Variants in MAP3K3 observed in about 807,000 individuals in gnomAD.
The protein encoded by MAP3K3 is mitogen-activated protein kinase kinase kinase 3.
Under a neutral mutation model 80.9 loss-of-function variants are expected in MAP3K3, and 12 were observed. That is an observed-to-expected ratio of 0.15 (90% CI 0.10 to 0.24). MAP3K3 has a LOEUF of 0.24. Among genes scored for constraint, MAP3K3 ranks in the 10% least tolerant of loss-of-function variants. The probability of loss-of-function intolerance (pLI) is 1.00; values close to 1 mark genes in which losing one functional copy is unlikely to be tolerated. For synonymous variants in MAP3K3, 272 were observed against 307.1 expected (o/e 0.89, Z 1.19); for missense variants, 596 against 834.7 (o/e 0.71, Z 3.52).
intron 11 of MAP3K3, 69 bp from the exon 12 acceptor site, chr17:63,690,195 C>G: frequency 2.6e-6 from 4 of 1,531,736 alleles, no homozygotes; most frequent in Non-Finnish European, 3.5e-6. Context: ...AGACCCTGTT[C>G]CTGGAGAATG....
chr17:63,649,708 A>G (rs1232873051), intron 3 of MAP3K3, among the ~76,000 whole-genome samples: 1 of 152,234 alleles, frequency 6.6e-6, no homozygotes, highest in Non-Finnish European at 1.5e-5. Flanking sequence ...GTACCTGTTC[A>G]GGAACCAATT....
rs1403226699 is a variant in MAP3K3, at chr17:63,691,891, C to T, written c.1474+29C>T. Reference sequence around the variant, plus strand: ...AGCAGGGCCAGGATACATGGAGTCCCCAGGACCTGGGTTCAAGTCTACCAT... The same window carrying T: ...AGCAGGGCCAGGATACATGGAGTCCTCAGGACCTGGGTTCAAGTCTACCAT... On this transcript the variant is annotated intron_variant, in intron 14 of 15. Coordinates refer to ENST00000361733, the MANE Select transcript of MAP3K3 (RefSeq NM_002401.5). The surrounding 1 kb of genome is among the most constrained non-coding windows in gnomAD (Gnocchi z 4.8). 6.2e-7 allele frequency: 1 copy of T among 1,606,666 alleles called. No homozygotes were observed. The highest frequency in any genetic ancestry group is 2.2e-5 in the East Asian group (1 of 44,698).
intron 3 of MAP3K3, among the ~76,000 whole-genome samples, chr17:63,651,899 A>G (rs1055920697): frequency 6.6e-6 from 1 of 152,198 alleles, no homozygotes; most frequent in Admixed American, 6.5e-5. Context: ...TTCTTATGGC[A>G]TCTCAAAGAT....
intron 6 of MAP3K3, among the ~76,000 whole-genome samples, chr17:63,675,966 G>C (rs2035212073): frequency 6.6e-6 from 1 of 152,192 alleles, no homozygotes; most frequent in African/African-American, 2.4e-5. Context: ...GCTCTCAACT[G>C]TTGTGTATCT....
chr17:63,693,303 T>C lies in MAP3K3; in HGVS notation c.1653-246T>C, dbSNP rs767105021. On this transcript the variant is annotated intron_variant, in intron 15 of 15. Coordinates refer to ENST00000361733, the MANE Select transcript of MAP3K3 (RefSeq NM_002401.5). The surrounding 1 kb of genome is among the most constrained non-coding windows in gnomAD (Gnocchi z 4.2). Reference sequence around the variant, plus strand: ...CAGCTATGGGTAGCTAATACAGTTATTGTAGAGTTCTTTCTGTCAAGTCTA... The same window carrying C: ...CAGCTATGGGTAGCTAATACAGTTACTGTAGAGTTCTTTCTGTCAAGTCTA... Among the ~76,000 whole-genome samples, 3 of 152,208 alleles carry C rather than the reference T, an allele frequency of 2.0e-5. No individual in the cohort carries two copies. Among genetic ancestry groups the C allele is most frequent in the Non-Finnish European group, 4.4e-5 (3 of 68,030 alleles).
At chr17:63,663,681 G>C (rs1201751822) in intron 5 of MAP3K3, among the ~76,000 whole-genome samples, 1 of 152,018 alleles carries the variant, frequency 6.6e-6, no homozygotes, top group Admixed American at 6.6e-5. Flanking sequence ...GAAATAATTT[G>C]TATAACAAGT....
At chr17:63,678,252 G>GA (rs773427937) in intron 6 of MAP3K3, among the ~76,000 whole-genome samples, 3 of 151,078 alleles carry the variant, frequency 2.0e-5, no homozygotes, top group South Asian at 2.1e-4. Flanking sequence ...ATTTTTTTAA[G>GA]AAAAAAAAAT....
At position 63,681,788 on chromosome 17, in the gene MAP3K3, C is replaced by T; in HGVS notation, c.525C>T (p.Ser175=). 1.3e-6 allele frequency: 2 copies of T among 1,527,440 alleles called. No individual in the cohort carries two copies. The highest frequency in any genetic ancestry group is 1.8e-6 in the Non-Finnish European group (2 of 1,132,318). The allele number at this position is 1,527,440 out of a possible 1,614,324, so 94.6% of individuals were successfully genotyped here. ...LSVSSQNPGR[S]SPPPGYVPER... ...TAGGCTCCCAGAACCCTGGCCGAAG[C>T]TCACCTCCCCCTGGCTATGTTCCTG... The change falls in exon 7 of 16, where the codon AGC becomes AGT. Residue 175 remains serine, a synonymous_variant. Coordinates refer to ENST00000361733, the MANE Select transcript of MAP3K3 (RefSeq NM_002401.5).
intron 3 of MAP3K3, among the ~76,000 whole-genome samples, chr17:63,648,015 C>A (rs920792692): frequency 7.2e-5 from 11 of 152,166 alleles, no homozygotes; most frequent in African/African-American, 2.7e-4. Flanking sequence ...CCCTTTTGGC[C>A]CCAGGAGGGC....
intron 12 of MAP3K3, 161 bp downstream of exon 12, chr17:63,690,573 CTG>C (rs2035564776): frequency 7.7e-6 from 6 of 776,796 alleles, no homozygotes; most frequent in South Asian, 7.2e-5. Context: ...GGTGAAAGGA[CTG>C]TGGTCTGAAG....
intron 1 of MAP3K3, among the ~76,000 whole-genome samples, chr17:63,624,447 A>C (rs2034059369): frequency 6.6e-6 from 1 of 152,202 alleles, no homozygotes; most frequent in Non-Finnish European, 1.5e-5. Flanking sequence ...TGTTGACTAC[A>C]TCTCATTATC....
chr17:63,661,244 G>A (rs1413027115), intron 5 of MAP3K3, among the ~76,000 whole-genome samples: 3 of 152,008 alleles, frequency 2.0e-5, no homozygotes, highest in South Asian at 2.1e-4. Context: ...ATGGGGTTTC[G>A]CACTGTTGGC....
chr17:63,689,791 C>T lies in MAP3K3; in HGVS notation c.1063+56C>T, dbSNP rs1254361451. 7.9e-6 allele frequency: 12 copies of T among 1,516,090 alleles called. No homozygotes were observed. Among genetic ancestry groups the T allele is most frequent in the Admixed American group, 6.1e-5 (3 of 49,352 alleles). 93.9% of individuals were successfully genotyped at this position (1,516,090 alleles called of 1,614,324 possible). A position where few individuals can be genotyped will look rare whatever the true frequency, so the allele number is the denominator to read the frequency against. On this transcript the variant is annotated intron_variant, in intron 11 of 15. Coordinates refer to ENST00000361733, the MANE Select transcript of MAP3K3 (RefSeq NM_002401.5). This position sits in a 1 kb window ranked among gnomAD's most constrained non-coding sequence, Gnocchi z 4.3. The stretch of plus-strand genomic sequence containing the variant: ...TGCCCAGGTGGTCTCAGACAAGCTA[C>T]GGGGGCAAACAGCTGGGCCCCTGGG...
intron 6 of MAP3K3, among the ~76,000 whole-genome samples, chr17:63,679,246 G>A (rs567464090): frequency 6.6e-6 from 1 of 152,140 alleles, no homozygotes; most frequent in South Asian, 2.1e-4. Flanking sequence ...AAGCCTCCCC[G>A]CCATTCTTTT....
At chr17:63,660,179 C>T (rs997741387) in intron 5 of MAP3K3, among the ~76,000 whole-genome samples, 10 of 152,038 alleles carry the variant, frequency 6.6e-5, no homozygotes, top group Non-Finnish European at 1.3e-4. Context: ...TGCCTCACCG[C>T]CTTTTGTTAC....
At chr17:63,667,805 T>G (rs2035029503) in intron 6 of MAP3K3, among the ~76,000 whole-genome samples, 1 of 152,214 alleles carries the variant, frequency 6.6e-6, no homozygotes, top group Non-Finnish European at 1.5e-5. Context: ...CCATATATTC[T>G]CAATCTGTGG....
intron 6 of MAP3K3, among the ~76,000 whole-genome samples, chr17:63,670,063 A>G (rs1271583619): frequency 6.6e-6 from 1 of 151,822 alleles, no homozygotes; most frequent in Admixed American, 6.6e-5. Flanking sequence ...TGAATGTGCC[A>G]TGGTACTCCA....
At chr17:63,635,416 C>A (rs910083060) in intron 2 of MAP3K3, among the ~76,000 whole-genome samples, 1 of 152,036 alleles carries the variant, frequency 6.6e-6, no homozygotes, top group African/African-American at 2.4e-5. Context: ...TTAATATGGG[C>A]AAAAGGGGAA....
intron 1 of MAP3K3, among the ~76,000 whole-genome samples, chr17:63,627,370 C>T (rs1191617973): frequency 6.6e-6 from 1 of 152,096 alleles, no homozygotes; most frequent in East Asian, 1.9e-4. Context: ...CACTCCCACT[C>T]TCAGGAAATC....
Sources: gnomAD v4.1 joint callset for allele counts (sites outside exome capture counted in the v4.1 genomes callset) on GRCh38, gnomAD v4.1.1 for gene constraint, Gnocchi (gnomAD v3.1) non-coding constraint, MANE v1.5 for transcripts, NCBI Gene and HGNC (gene_info 2026-07-23, HGNC 2026-07-21) for gene names.